The following VPS13D variants were observed in gnomAD, a reference collection of about 807,000 sequenced individuals.
VPS13D encodes intermembrane lipid transfer protein VPS13D.
In VPS13D, 187 loss-of-function variants were observed where a neutral mutation model predicts 461.9. That is an observed-to-expected ratio of 0.40 (90% confidence interval 0.36 to 0.46). The LOEUF (loss-of-function observed/expected upper bound fraction) is 0.46, where lower values mean the gene tolerates loss of function less well. VPS13D is among the 20% of genes least tolerant of loss of function. The probability of loss-of-function intolerance (pLI) is 0.60; values close to 1 mark genes in which losing one functional copy is unlikely to be tolerated. For synonymous variants in VPS13D, 1,951 were observed against 1,986.3 expected, an observed-to-expected ratio of 0.98 and a Z score of 0.47; for missense variants, 4,711 against 5,364.9, an observed-to-expected ratio of 0.88 and a Z score of 3.81.
At chr1:12,249,082 C>T (rs1640649938) in intron 5 of VPS13D, 141 bp from the exon 6 acceptor site, 1 of 605,248 alleles carries the variant, frequency 1.7e-6, no homozygotes, top group South Asian at 2.1e-5. Flanking sequence ...GGTGTGGTTT[C>T]CTTTAGTGGC....
At chr1:12,264,309 G>T (rs1056064972) in intron 13 of VPS13D, among the ~76,000 whole-genome samples, 1 of 152,176 alleles carries the variant, frequency 6.6e-6, no homozygotes, top group African/African-American at 2.4e-5. Flanking sequence ...AGAGTCACAT[G>T]TCTCTCACTT....
intron 46 of VPS13D, among the ~76,000 whole-genome samples, chr1:12,350,169 T>A (rs972877432): frequency 6.6e-6 from 1 of 152,210 alleles, no homozygotes; most frequent in Non-Finnish European, 1.5e-5. Context: ...ATGTAAAAGA[T>A]TTGAACAATG....
At chr1:12,508,476 C>T (rs373490943) in intron 69 of VPS13D, among the ~76,000 whole-genome samples, 3 of 145,088 alleles carry the variant, frequency 2.1e-5, no homozygotes, top group Non-Finnish European at 3.0e-5. Flanking sequence ...GAGGCCGAGG[C>T]GGGCGGATCA....
chr1:12,341,732 C>A, intron 40 of VPS13D, 48 bp from the exon 41 acceptor site: 1 of 1,569,230 alleles, frequency 6.4e-7, no homozygotes, highest in Non-Finnish European at 8.8e-7. Flanking sequence ...AGGGTCTCTG[C>A]CATGCAGATA....
At chr1:12,378,300 G>A (rs892467835) in intron 55 of VPS13D, 128 bp from the exon 56 acceptor site, 3 of 782,878 alleles carry the variant, frequency 3.8e-6, no homozygotes, top group Non-Finnish European at 5.4e-6. Flanking sequence ...TTTATATAAT[G>A]TGGAAAACGT....
chr1:12,488,981 AG>A (rs1239714309), intron 67 of VPS13D, among the ~76,000 whole-genome samples: 3 of 152,242 alleles, frequency 2.0e-5, no homozygotes, highest in Non-Finnish European at 4.4e-5. Context: ...ACCACTTTAT[AG>A]GTTGTCTACT....
At chr1:12,478,389 C>G (rs1645664123) in intron 67 of VPS13D, among the ~76,000 whole-genome samples, 1 of 152,234 alleles carries the variant, frequency 6.6e-6, no homozygotes, top group Admixed American at 6.5e-5. Flanking sequence ...GGTTCTGTGT[C>G]CCATTGATTG....
At chr1:12,288,795 T>A (rs1308366070) in intron 22 of VPS13D, among the ~76,000 whole-genome samples, 3 of 152,074 alleles carry the variant, frequency 2.0e-5, no homozygotes, top group Non-Finnish European at 4.4e-5. Flanking sequence ...GAGCTACCAG[T>A]AGAGGCCATG....
At chr1:12,256,305 G>A (rs1640918603) in intron 7 of VPS13D, 28 bp from the exon 8 acceptor site, 1 of 1,604,916 alleles carries the variant, frequency 6.2e-7, no homozygotes. Context: ...GCCATTCGGA[G>A]CAGAGCAGGT....
intron 24 of VPS13D, among the ~76,000 whole-genome samples, chr1:12,298,746 T>C (rs1056552475): frequency 1.3e-5 from 2 of 152,218 alleles, no homozygotes; most frequent in South Asian, 2.1e-4. Context: ...CATTGACTTA[T>C]GCTTTTTATT....
chr1:12,356,884 TG>T (rs1643890553), intron 49 of VPS13D, among the ~76,000 whole-genome samples: 1 of 152,238 alleles, frequency 6.6e-6, no homozygotes, highest in Admixed American at 6.5e-5. Context: ...GTCATCAGAA[TG>T]GACATAGGCT....
rs1645972366 is a variant in VPS13D, at chr1:12,497,284, A to G, written c.12663-216A>G. The G allele has an allele frequency of 4.9e-5, 20 of 405,060 alleles. No homozygotes were observed. The East Asian group carries it at 1.0e-3, about 21-fold the overall frequency. 25.1% of individuals were successfully genotyped at this position (405,060 alleles called of 1,614,324 possible). On this transcript the variant is annotated intron_variant, in intron 67 of 69. Transcript: ENST00000620676. ...GAAGGTAACCAACTTATCCATGATC[A>G]CATGGCCAGAAAATGGTAGAGGCAG...
chr1:12,260,714 G>A lies in VPS13D; in HGVS notation c.1132G>A (p.Glu378Lys), dbSNP rs769795678. The change falls in exon 11 of 70, where the codon GAG (glutamate) becomes AAG (lysine). Residue 378 changes from glutamate (E) to lysine (K), a missense_variant. Coordinates refer to ENST00000620676, the MANE Select transcript of VPS13D (RefSeq NM_015378.4). The part of the protein sequence containing the change: ...DDKEEMCRIE[E>K]EQSFEELKIL... The stretch of plus-strand genomic sequence containing the variant: ...ACAGGAGGAAATGTGTCGGATTGAA[G>A]AGGAACAGAGCTTTGAGGAATTGAA... The A allele has an allele frequency of 1.9e-6, 3 of 1,614,142 alleles. No homozygotes were observed. The highest frequency in any genetic ancestry group is 2.5e-6 in the Non-Finnish European group (3 of 1,180,006).
At chr1:12,302,991 G>C (rs985999351) in intron 25 of VPS13D, among the ~76,000 whole-genome samples, 6 of 152,092 alleles carry the variant, frequency 3.9e-5, no homozygotes, top group Non-Finnish European at 7.4e-5. Flanking sequence ...GTATTTGTAA[G>C]CAGATAAACA....
rs183475755 is a variant in VPS13D, at chr1:12,436,659, A to G, written c.12334-19339A>G. On this transcript the variant is annotated intron_variant, in intron 65 of 69. Transcript: ENST00000620676. ...ACAATGTTAACTATTATTTTTTGCA[A>G]GTTTTTTTTTGTTTGTTTTTGTTTT... Among the ~76,000 whole-genome samples the G allele has an allele frequency of 3.5e-3, 534 of 152,030 alleles. 3 individuals carry two copies. Among genetic ancestry groups the G allele is most frequent in the African/African-American group, 0.012 (507 of 41,456 alleles).
chr1:12,394,078 T>A (rs1458162379), intron 60 of VPS13D, among the ~76,000 whole-genome samples: 1 of 152,148 alleles, frequency 6.6e-6, no homozygotes, highest in East Asian at 1.9e-4. Flanking sequence ...GCTGGAGGTC[T>A]CCTTGGGAAG....
At chr1:12,487,382 G>A (rs1645811531) in intron 67 of VPS13D, among the ~76,000 whole-genome samples, 1 of 152,074 alleles carries the variant, frequency 6.6e-6, no homozygotes, top group Admixed American at 6.5e-5. Context: ...AGGCCGAGGT[G>A]GGCGGATCAC....
rs1356262298 is a variant in VPS13D, at chr1:12,358,377, G to A, written c.9999-82G>A. Reference sequence around the variant, plus strand: ...TAGAGATGGAACTTGGGTGATAACTGTATTAGTGTTTCCCAATTAGAACAG... The same window carrying A: ...TAGAGATGGAACTTGGGTGATAACTATATTAGTGTTTCCCAATTAGAACAG... On this transcript the variant is annotated intron_variant, in intron 49 of 69. Transcript: ENST00000620676. 6 of 1,555,436 alleles carry A rather than the reference G, an allele frequency of 3.9e-6. No homozygotes were observed. The African/African-American group carries it at 6.8e-5, about 18-fold the overall frequency.
intron 52 of VPS13D, chr1:12,367,536 A>G (rs925156844): frequency 2.0e-5 from 3 of 149,142 alleles, no homozygotes; most frequent in Admixed American, 6.6e-5. Flanking sequence ...CACTTATTAC[A>G]TTGGTGGTTG....
Sources: gnomAD v4.1 joint callset for allele counts (sites outside exome capture counted in the v4.1 genomes callset) on GRCh38, gnomAD v4.1.1 for gene constraint, MANE v1.5 for transcripts, NCBI Gene and HGNC (gene_info 2026-07-23, HGNC 2026-07-21) for gene names.